RASAL2: variants seen among roughly 807,000 people sequenced by gnomAD.
The protein encoded by RASAL2 is RAS protein activator like 2.
In RASAL2, 58 loss-of-function variants were observed where a neutral mutation model predicts 128.9. The ratio of observed to expected loss-of-function variants is 0.45; its 90% CI spans 0.36 to 0.56. The LOEUF (loss-of-function observed/expected upper bound fraction) is 0.56, where lower values mean the gene tolerates loss of function less well. Among genes scored for constraint, RASAL2 ranks in the 20% least tolerant of loss-of-function variants. The pLI is 0.00. For synonymous variants in RASAL2, 561 were observed against 580.8 expected, an observed-to-expected ratio of 0.97 and a Z score of 0.49; for missense variants, 1,360 against 1,601.6, an observed-to-expected ratio of 0.85 and a Z score of 2.57.
intron 1 of RASAL2, among the ~76,000 whole-genome samples, chr1:178,282,626 A>G (rs1311065019): frequency 6.6e-6 from 1 of 152,150 alleles, no homozygotes; most frequent in African/African-American, 2.4e-5. Flanking sequence ...CCCTGCCCTC[A>G]TGGGTATTGG....
intron 3 of RASAL2, among the ~76,000 whole-genome samples, chr1:178,335,455 C>A (rs1017832685): frequency 2.0e-5 from 3 of 152,166 alleles, no homozygotes; most frequent in African/African-American, 7.2e-5. Flanking sequence ...AATTTGATTT[C>A]TTCCAAACAA....
chr1:178,394,321 A>G (rs969853605), intron 4 of RASAL2, among the ~76,000 whole-genome samples: 1 of 152,170 alleles, frequency 6.6e-6, no homozygotes, highest in Non-Finnish European at 1.5e-5. Context: ...TTTAAATGAA[A>G]TTACTGGGAT....
intron 4 of RASAL2, among the ~76,000 whole-genome samples, chr1:178,394,680 G>A (rs1395730557): frequency 6.6e-6 from 1 of 152,094 alleles, no homozygotes; most frequent in East Asian, 1.9e-4. Flanking sequence ...TGCTTCATTT[G>A]TGTTTGCTTT....
intron 9 of RASAL2, among the ~76,000 whole-genome samples, chr1:178,449,185 A>G (rs1677213145): frequency 6.6e-6 from 1 of 152,164 alleles, no homozygotes; most frequent in Non-Finnish European, 1.5e-5. Flanking sequence ...CTTCTTAGCC[A>G]GTCCTTATCT....
chr1:178,160,848 A>G (rs1194055711), intron 1 of RASAL2, among the ~76,000 whole-genome samples: 2 of 152,174 alleles, frequency 1.3e-5, no homozygotes, highest in Non-Finnish European at 2.9e-5. Flanking sequence ...TCTTTTTAAG[A>G]GAGCGTATTT....
chr1:178,291,896 A>G (rs936024840), intron 2 of RASAL2, among the ~76,000 whole-genome samples: 1 of 152,008 alleles, frequency 6.6e-6, no homozygotes, highest in African/African-American at 2.4e-5. Context: ...TTAGCTGGAC[A>G]TGGTGTCGGG....
intron 3 of RASAL2, among the ~76,000 whole-genome samples, chr1:178,356,927 AAGG>A (rs1670844284): frequency 6.6e-6 from 1 of 152,148 alleles, no homozygotes; most frequent in Admixed American, 6.5e-5. Flanking sequence ...GTTATCCTTA[AAGG>A]CTGCATCTTA....
intron 3 of RASAL2, among the ~76,000 whole-genome samples, chr1:178,325,157 T>TA (rs1273456897): frequency 3.3e-5 from 5 of 152,224 alleles, no homozygotes; most frequent in African/African-American, 1.2e-4. Context: ...AAATTCTCCT[T>TA]ACAACATTCC....
chr1:178,305,679 G>T (rs1667951640), intron 3 of RASAL2, among the ~76,000 whole-genome samples: 1 of 152,130 alleles, frequency 6.6e-6, no homozygotes, highest in African/African-American at 2.4e-5. Flanking sequence ...TTAAGTTTGA[G>T]GGTATTATTA....
intron 1 of RASAL2, among the ~76,000 whole-genome samples, chr1:178,192,951 C>T (rs1191255243): frequency 6.6e-6 from 1 of 151,918 alleles, no homozygotes; most frequent in Admixed American, 6.6e-5. Context: ...GAAGCCGATC[C>T]CTGGCAGAAG....
At chr1:178,132,843 A>C (rs185769235) in intron 1 of RASAL2, among the ~76,000 whole-genome samples, 24 of 137,102 alleles carry the variant, frequency 1.8e-4, no homozygotes, top group African/African-American at 6.1e-4. Context: ...ATCTTGGCTT[A>C]CTGCAACCTC....
intron 1 of RASAL2, among the ~76,000 whole-genome samples, chr1:178,207,867 A>G (rs1558115461): frequency 1.3e-5 from 2 of 152,288 alleles, no homozygotes; most frequent in South Asian, 2.1e-4. Flanking sequence ...AGCATCCCCC[A>G]TATAGCTGTA....
intron 1 of RASAL2, among the ~76,000 whole-genome samples, chr1:178,131,318 TG>T (rs1244104510): frequency 6.7e-6 from 1 of 149,198 alleles, no homozygotes; most frequent in Admixed American, 6.7e-5. Context: ...GTGATCCTCC[TG>T]CCTCAGCCTC....
At chr1:178,268,339 G>A (rs1469472057) in intron 1 of RASAL2, among the ~76,000 whole-genome samples, 2 of 152,026 alleles carry the variant, frequency 1.3e-5, no homozygotes, top group East Asian at 3.9e-4. Context: ...ATGGTGGTGA[G>A]CACCTGTAGT....
chr1:178,303,646 T>C (rs1187537940), intron 3 of RASAL2, among the ~76,000 whole-genome samples: 1 of 151,930 alleles, frequency 6.6e-6, no homozygotes, highest in East Asian at 1.9e-4. Flanking sequence ...TTGGACTATA[T>C]TAAGATTAAG....
intron 17 of RASAL2, 125 bp from the exon 18 acceptor site, chr1:178,472,950 C>A: frequency 9.1e-7 from 1 of 1,096,266 alleles, no homozygotes; most frequent in Non-Finnish European, 1.3e-6. Flanking sequence ...CAGAGACGTT[C>A]CATTTGTCTG....
intron 3 of RASAL2, among the ~76,000 whole-genome samples, chr1:178,338,093 C>A (rs1173031637): frequency 6.6e-6 from 1 of 151,636 alleles, no homozygotes; most frequent in African/African-American, 2.4e-5. Context: ...TCAAAAAGAT[C>A]ATGCATTTAT....
intron 1 of RASAL2, among the ~76,000 whole-genome samples, chr1:178,182,113 C>CATTT (rs767282160): frequency 2.0e-5 from 3 of 152,092 alleles, no homozygotes; most frequent in East Asian, 1.9e-4. Context: ...CCTCCTACCC[C>CATTT]ATTTATTTAT....
At chr1:178,145,879 A>G (rs187246426) in intron 1 of RASAL2, among the ~76,000 whole-genome samples, 7 of 152,258 alleles carry the variant, frequency 4.6e-5, no homozygotes, top group Admixed American at 3.9e-4. Flanking sequence ...AGTCCCACAC[A>G]TTTGCACCCA....
Sources: allele counts gnomAD v4.1 joint callset (sites outside exome capture counted in the v4.1 genomes callset), GRCh38; gene constraint gnomAD v4.1.1; transcripts MANE v1.5; gene names NCBI Gene and HGNC (gene_info 2026-07-23, HGNC 2026-07-21).